The following TIAM1 variants were observed in gnomAD, a reference collection of about 807,000 sequenced individuals.
TIAM1 encodes the protein TIAM Rac1 associated GEF 1, also known as rho guanine nucleotide exchange factor TIAM1.
A neutral mutation model predicts 163.5 loss-of-function variants in TIAM1; 65 were observed. The observed-to-expected ratio is 0.40, with a 90% CI of 0.33 to 0.49. TIAM1 has a LOEUF of 0.49. Among genes scored for constraint, TIAM1 ranks in the 20% least tolerant of loss-of-function variants. The pLI, the probability that TIAM1 is intolerant of heterozygous loss-of-function variation, is 0.77. For missense variants in TIAM1, 1,789 were observed against 2,044.7 expected (o/e 0.87, Z 2.41); for synonymous variants, 833 against 810.1 (o/e 1.03, Z -0.48).
chr21:31,415,085 A>G (rs899907390), intron 2 of TIAM1, among the ~76,000 whole-genome samples: 3 of 152,188 alleles, frequency 2.0e-5, no homozygotes, highest in African/African-American at 7.2e-5. Context: ...ATAAAACTAA[A>G]GCTAGGGCAA....
chr21:31,308,262 C>T (rs2074792636), intron 2 of TIAM1, among the ~76,000 whole-genome samples: 1 of 152,044 alleles, frequency 6.6e-6, no homozygotes, highest in South Asian at 2.1e-4. Context: ...AAACAAAAAA[C>T]TAAAAGCTGC....
intron 25 of TIAM1, among the ~76,000 whole-genome samples, chr21:31,129,738 G>A (rs1721413511): frequency 6.6e-6 from 1 of 152,132 alleles, no homozygotes; most frequent in Admixed American, 6.5e-5. Flanking sequence ...CAAAGATAAA[G>A]ATTTGTAATA....
chr21:31,217,487 C>T (rs187285349), intron 9 of TIAM1, 66 bp downstream of exon 9: 1 of 1,566,814 alleles, frequency 6.4e-7, no homozygotes, highest in Non-Finnish European at 8.7e-7. Context: ...AACACACACA[C>T]CCCAAATTGA....
At chr21:31,190,528 T>C (rs1012491066) in intron 13 of TIAM1, among the ~76,000 whole-genome samples, 1 of 152,056 alleles carries the variant, frequency 6.6e-6, no homozygotes, top group Non-Finnish European at 1.5e-5. Flanking sequence ...CAGGATACAA[T>C]GAAAATTCAG....
At chr21:31,391,555 G>A (rs2076965523) in intron 2 of TIAM1, among the ~76,000 whole-genome samples, 2 of 152,256 alleles carry the variant, frequency 1.3e-5, no homozygotes, top group African/African-American at 2.4e-5. Context: ...AACCCAGGAC[G>A]TGGAGGTTGC....
intron 6 of TIAM1, among the ~76,000 whole-genome samples, chr21:31,228,870 C>T (rs2088222260): frequency 1.3e-5 from 2 of 152,144 alleles, no homozygotes; most frequent in South Asian, 2.1e-4. Context: ...GCAAACACGT[C>T]CTTCTTCTCA....
chr21:31,402,289 A>G (rs555066441), intron 2 of TIAM1, among the ~76,000 whole-genome samples: 2 of 152,268 alleles, frequency 1.3e-5, no homozygotes, highest in African/African-American at 4.8e-5. Context: ...AAGGTCAGGT[A>G]GTATTGGACT....
At chr21:31,253,716 A>T (rs1379561360) in intron 4 of TIAM1, among the ~76,000 whole-genome samples, 1 of 152,106 alleles carries the variant, frequency 6.6e-6, no homozygotes, top group African/African-American at 2.4e-5. Flanking sequence ...AAAGAAAGAA[A>T]CCACGAATGC....
intron 20 of TIAM1, 110 bp downstream of exon 20, chr21:31,146,785 C>A: frequency 1.3e-6 from 1 of 767,860 alleles, no homozygotes. Flanking sequence ...GCTGGAACAT[C>A]TATCTGGCAA....
chr21:31,380,976 T>G (rs575331190), intron 2 of TIAM1, among the ~76,000 whole-genome samples: 11 of 152,324 alleles, frequency 7.2e-5, no homozygotes, highest in African/African-American at 2.6e-4. Context: ...TAATAGTGCT[T>G]CTTTCACCGA....
intron 8 of TIAM1, among the ~76,000 whole-genome samples, chr21:31,221,806 C>G (rs556833443): frequency 6.6e-6 from 1 of 152,176 alleles, no homozygotes; most frequent in South Asian, 2.1e-4. Context: ...GAATTTCTAT[C>G]CTAGTTTTTT....
In TIAM1 at chr21:31,556,306, T is replaced by G. The variant is rs182930942; in HGVS notation, c.-422+2621A>C. ...TTCCACATCAACAGCCGAATAGGGG[T>G]TCACGGGAGTCAGATTCCACTCGGG... On this transcript the variant is annotated intron_variant, in intron 1 of 28. Coordinates refer to the TIAM1 transcript ENST00000286827. Among the ~76,000 whole-genome samples, 722 of 152,190 alleles carry G rather than the reference T, an allele frequency of 4.7e-3. 1 individual carries two copies. The highest frequency in any genetic ancestry group is 7.8e-3 in the Non-Finnish European group (530 of 68,016).
chr21:31,305,713 C>G (rs528517853), intron 2 of TIAM1, among the ~76,000 whole-genome samples: 7 of 152,172 alleles, frequency 4.6e-5, no homozygotes, highest in Non-Finnish European at 1.0e-4. Flanking sequence ...TGCCTGGAGG[C>G]GCAGAGCTAC....
chr21:31,292,250 C>A (rs2074050105), intron 2 of TIAM1, among the ~76,000 whole-genome samples: 1 of 152,150 alleles, frequency 6.6e-6, no homozygotes, highest in South Asian at 2.1e-4. Flanking sequence ...TCATTTCTTT[C>A]TTTCCTCTTG....
Position 31,124,674 on chromosome 21 carries a change from T to A in TIAM1, c.4154A>T (p.Asp1385Val). 1 of 1,590,282 alleles carries A rather than the reference T, an allele frequency of 6.3e-7. No individual in the cohort carries two copies. The highest frequency in any genetic ancestry group is 8.6e-7 in the Non-Finnish European group (1 of 1,167,448). ...GATTGAATGCACAGCCTTTAGGAAA[T>A]CCTTTCGGCTCTCTGGGGAGCTAGG... Reference protein sequence around the residue: ...LCCSSPESRKDFLKAVHSILR... With the variant: ...LCCSSPESRKVFLKAVHSILR... Residue 1385 changes from aspartate to valine, a missense_variant, in exon 27 of 28, where the codon GAT (aspartate) becomes GTT (valine). This residue lies in a region of TIAM1 where 415 missense variants were observed against 439.2 expected (regional missense o/e 0.94). Transcript: ENST00000541036.
At chr21:31,376,801 G>A (rs533910130) in intron 2 of TIAM1, among the ~76,000 whole-genome samples, 2 of 152,066 alleles carry the variant, frequency 1.3e-5, no homozygotes, top group South Asian at 4.2e-4. Context: ...CTCCAATCTA[G>A]AAAGCACAAA....
chr21:31,365,897 T>C (rs1045515780), intron 2 of TIAM1, among the ~76,000 whole-genome samples: 1 of 151,476 alleles, frequency 6.6e-6, no homozygotes, highest in Non-Finnish European at 1.5e-5. Flanking sequence ...AGTCAAGAGA[T>C]TGAGACCATC....
chr21:31,316,934 C>G (rs1042350563), intron 2 of TIAM1, among the ~76,000 whole-genome samples: 1 of 152,136 alleles, frequency 6.6e-6, no homozygotes, highest in Admixed American at 6.6e-5. Context: ...GTAAGTCTAC[C>G]TAACTCAAAT....
At chr21:31,190,328 C>T (rs1051080009) in intron 13 of TIAM1, among the ~76,000 whole-genome samples, 2 of 151,976 alleles carry the variant, frequency 1.3e-5, no homozygotes, top group Non-Finnish European at 1.5e-5. Flanking sequence ...GGAAGGATGG[C>T]TTGAGTCTAG....
Sources: gnomAD v4.1 joint callset for allele counts (sites outside exome capture counted in the v4.1 genomes callset) on GRCh38, gnomAD v4.1.1 for gene constraint, gnomAD v4.1.1 regional missense constraint, MANE v1.5 for transcripts, NCBI Gene and HGNC (gene_info 2026-07-23, HGNC 2026-07-21) for gene names.